LAMA2: variants seen among roughly 807,000 people sequenced by gnomAD.
LAMA2 encodes the protein laminin subunit alpha-2.
A neutral mutation model predicts 364.8 loss-of-function variants in LAMA2; 269 were observed. That is an observed-to-expected ratio of 0.74 (90% CI 0.67 to 0.82). The LOEUF is 0.82. Ranked by LOEUF, LAMA2 falls within the 40% of genes least tolerant of loss-of-function variation. The pLI is 0.00. For synonymous variants in LAMA2, 1,379 were observed against 1,370.6 expected (o/e 1.01, Z -0.14); for missense variants, 3,807 against 3,873.2 (o/e 0.98, Z 0.45).
At chr6:128,955,845 A>G (rs1781109645) in intron 1 of LAMA2, among the ~76,000 whole-genome samples, 2 of 151,888 alleles carry the variant, frequency 1.3e-5, no homozygotes, top group Admixed American at 1.3e-4. Flanking sequence ...AAATGCCTCC[A>G]TTTTTTAGAT....
At chr6:129,323,574 T>G (rs2114520560) in intron 28 of LAMA2, among the ~76,000 whole-genome samples, 1 of 152,282 alleles carries the variant, frequency 6.6e-6, no homozygotes, top group East Asian at 1.9e-4. Flanking sequence ...GGACACCATT[T>G]CCTCACCAGA....
At chr6:128,922,652 G>T (rs1459343345) in intron 1 of LAMA2, among the ~76,000 whole-genome samples, 1 of 151,806 alleles carries the variant, frequency 6.6e-6, no homozygotes. Flanking sequence ...CTCCCATTTT[G>T]TCGGTTGCCT....
At chr6:128,907,962 G>A (rs1777613758) in intron 1 of LAMA2, among the ~76,000 whole-genome samples, 1 of 152,060 alleles carries the variant, frequency 6.6e-6, no homozygotes, top group Non-Finnish European at 1.5e-5. Flanking sequence ...TATTGAACCA[G>A]CCTTGCATCC....
chr6:129,122,834 G>C (rs570864851), intron 4 of LAMA2, among the ~76,000 whole-genome samples: 30 of 152,170 alleles, frequency 2.0e-4, no homozygotes, highest in African/African-American at 7.0e-4. Context: ...ACCTCTCTGA[G>C]CCTGTTTCCT....
intron 3 of LAMA2, among the ~76,000 whole-genome samples, chr6:129,062,856 T>G (rs1789020511): frequency 6.6e-6 from 1 of 151,420 alleles, no homozygotes; most frequent in South Asian, 2.1e-4. Flanking sequence ...ATTAGTATCT[T>G]AAACATAACA....
chr6:129,335,038 C>A (rs1017498604), intron 29 of LAMA2, among the ~76,000 whole-genome samples: 3 of 152,230 alleles, frequency 2.0e-5, no homozygotes, highest in East Asian at 1.9e-4. Context: ...TATCTTCACA[C>A]CTTTCCCTGA....
At chr6:129,092,014 T>A (rs1418772275) in intron 3 of LAMA2, among the ~76,000 whole-genome samples, 1 of 152,154 alleles carries the variant, frequency 6.6e-6, no homozygotes, top group African/African-American at 2.4e-5. Context: ...GGGCTTTGAG[T>A]GAATCCTCTG....
Position 129,102,962 on chromosome 6 carries a change from C to T in LAMA2, c.639+4547C>T, listed in dbSNP as rs189732527. 7.9e-5 allele frequency among the ~76,000 whole-genome samples: 12 copies of T among 152,294 alleles called. No individual in the cohort carries two copies. In the East Asian group the frequency reaches 9.6e-4, roughly 12 times the overall value. On this transcript the variant is annotated intron_variant, in intron 4 of 64. Transcript: ENST00000421865. The stretch of plus-strand genomic sequence containing the variant: ...TCCAAGCCAGCGTGTGTGGGAATTA[C>T]GAAAGTCCCACCCATGCAGTCCTGG...
At chr6:129,173,351 A>G (rs1364669149) in intron 9 of LAMA2, among the ~76,000 whole-genome samples, 1 of 152,132 alleles carries the variant, frequency 6.6e-6, no homozygotes. Flanking sequence ...CACCATCCAT[A>G]CATTTTTATT....
At chr6:129,259,600 T>A (rs1051594622) in intron 14 of LAMA2, among the ~76,000 whole-genome samples, 1 of 152,118 alleles carries the variant, frequency 6.6e-6, no homozygotes, top group African/African-American at 2.4e-5. Context: ...TTTCTTGTAA[T>A]GTTTTGTAGT....
chr6:129,202,820 A>C (rs958756670), intron 12 of LAMA2, among the ~76,000 whole-genome samples: 2 of 152,236 alleles, frequency 1.3e-5, no homozygotes, highest in Admixed American at 1.3e-4. Flanking sequence ...AAGTTGAAAG[A>C]ATGTGTCACA....
At chr6:129,250,318 A>G (rs1348849228) in intron 13 of LAMA2, 105 bp downstream of exon 13, 2 of 745,942 alleles carry the variant, frequency 2.7e-6, no homozygotes, top group Non-Finnish European at 4.8e-6. Flanking sequence ...TTACAGGACT[A>G]CTAAAAAAAA....
chr6:129,200,168 G>GTGTACACATATACATGTGTATATATACA (rs1411067319), intron 12 of LAMA2, among the ~76,000 whole-genome samples: 8 of 134,032 alleles, frequency 6.0e-5, no homozygotes, highest in East Asian at 5.6e-4. Flanking sequence ...ATATATATAC[G>GTGTACACATATACATGTGTATATATACA]TGTACACATA....
chr6:129,332,081 A>G (rs1276132687), intron 29 of LAMA2, among the ~76,000 whole-genome samples: 1 of 152,196 alleles, frequency 6.6e-6, no homozygotes, highest in Non-Finnish European at 1.5e-5. Context: ...ATTCATTCAG[A>G]TGGTGATCTT....
At chr6:129,508,276 G>C (rs1427328121) in intron 62 of LAMA2, among the ~76,000 whole-genome samples, 1 of 152,046 alleles carries the variant, frequency 6.6e-6, no homozygotes, top group African/African-American at 2.4e-5. Context: ...ATATTTATGG[G>C]TGACCTGAGA....
intron 40 of LAMA2, among the ~76,000 whole-genome samples, chr6:129,405,112 T>C (rs1780181046): frequency 6.6e-6 from 1 of 152,132 alleles, no homozygotes; most frequent in Non-Finnish European, 1.5e-5. Context: ...ATCCATCTTC[T>C]GTTAGATAAT....
chr6:129,354,623 T>G (rs1777050068), intron 32 of LAMA2, among the ~76,000 whole-genome samples: 1 of 152,166 alleles, frequency 6.6e-6, no homozygotes, highest in South Asian at 2.1e-4. Flanking sequence ...AGTCCTTGAA[T>G]TATTAATCAT....
At chr6:129,036,474 G>A (rs1359066814) in intron 1 of LAMA2, among the ~76,000 whole-genome samples, 6 of 152,028 alleles carry the variant, frequency 3.9e-5, no homozygotes, top group Non-Finnish European at 5.9e-5. Flanking sequence ...CTATAAACAT[G>A]CCTAAGATCC....
intron 4 of LAMA2, among the ~76,000 whole-genome samples, chr6:129,133,458 G>T (rs1777605148): frequency 6.6e-6 from 1 of 152,180 alleles, no homozygotes; most frequent in Admixed American, 6.5e-5. Flanking sequence ...AGAGGAGAGG[G>T]AAAGGTGGCA....
Sources: allele counts gnomAD v4.1 joint callset (sites outside exome capture counted in the v4.1 genomes callset), GRCh38; gene constraint gnomAD v4.1.1; transcripts MANE v1.5; gene names NCBI Gene and HGNC (gene_info 2026-07-23, HGNC 2026-07-21).